Variants in PACS1 observed in about 807,000 individuals in gnomAD.
The protein encoded by PACS1 is PACS-1.
PACS1 carries 24 observed loss-of-function variants against 115.0 expected under a neutral mutation model. The ratio of observed to expected loss-of-function variants is 0.21; its 90% CI spans 0.15 to 0.29. The LOEUF is 0.29. Among genes scored for constraint, PACS1 ranks in the 10% least tolerant of loss-of-function variants. The pLI is 1.00. For synonymous variants in PACS1, 453 were observed against 504.5 expected (o/e 0.90, Z 1.37); for missense variants, 838 against 1,251.2 (o/e 0.67, Z 4.98).
chr11:66,214,528 CTTCCT>C (rs967623131), intron 4 of PACS1, among the ~76,000 whole-genome samples: 1 of 150,416 alleles, frequency 6.6e-6, no homozygotes, highest in Admixed American at 6.7e-5. Context: ...CTTTCCTTTC[CTTCCT>C]TTCCTTTCCC....
At position 66,193,426 on chromosome 11, in the gene PACS1, TC is replaced by T. The variant is rs1283995040; in HGVS notation, c.357-59del. ...TAAGGCAGATTGCCTAACCAATTGT[TC>T]ATCACTTTTCTCGCAAGTTCCTCGC... On this transcript the variant is annotated intron_variant, in intron 1 of 23. Coordinates refer to ENST00000320580, the MANE Select transcript of PACS1 (RefSeq NM_018026.4). 5 of 1,165,464 alleles carry T rather than the reference TC, an allele frequency of 4.3e-6. No individual in the cohort carries two copies. In the Admixed American group the frequency reaches 8.6e-5, roughly 20 times the overall value. The allele number at this position is 1,165,464 out of a possible 1,614,324, so 72.2% of individuals were successfully genotyped here.
intron 1 of PACS1, among the ~76,000 whole-genome samples, chr11:66,187,532 T>C (rs989211911): frequency 6.6e-6 from 1 of 152,206 alleles, no homozygotes; most frequent in African/African-American, 2.4e-5. Context: ...CTTTTTTAGC[T>C]TCCATGTGTG....
At chr11:66,141,891 T>C (rs1361272251) in intron 1 of PACS1, among the ~76,000 whole-genome samples, 1 of 151,410 alleles carries the variant, frequency 6.6e-6, no homozygotes. Context: ...CGGCAGCCTC[T>C]GTCTCCCGGG....
At chr11:66,177,586 C>T (rs1454875405) in intron 1 of PACS1, among the ~76,000 whole-genome samples, 1 of 152,006 alleles carries the variant, frequency 6.6e-6, no homozygotes, top group African/African-American at 2.4e-5. Context: ...ATTAAAAGTC[C>T]ACCTTCTCTT....
chr11:66,129,738 A>AAGTTAACTTTATCGTTC (rs1231445647), intron 1 of PACS1, among the ~76,000 whole-genome samples: 1 of 151,912 alleles, frequency 6.6e-6, no homozygotes, highest in Non-Finnish European at 1.5e-5. Context: ...CCTTCACCTC[A>AAGTTAACTTTATCGTTC]AGTTAACTTT....
chr11:66,216,865 C>CTTTTTTTT (rs1565151136), intron 7 of PACS1, 90 bp downstream of exon 7: 2 of 818,130 alleles, frequency 2.4e-6, no homozygotes, highest in Non-Finnish European at 2.1e-6. Context: ...GTGGAGACTT[C>CTTTTTTTT]TTAAAATCAA....
chr11:66,096,502 A>ATTTT (rs200631152), intron 1 of PACS1, among the ~76,000 whole-genome samples: 1 of 136,896 alleles, frequency 7.3e-6, no homozygotes, highest in African/African-American at 2.7e-5. Flanking sequence ...GTTGCTATGA[A>ATTTT]TTTTTTTTTT....
At chr11:66,230,996 G>T (rs749615520) in intron 13 of PACS1, 56 bp downstream of exon 13, 105 of 1,604,198 alleles carry the variant, frequency 6.5e-5, no homozygotes, top group Non-Finnish European at 8.7e-5. Flanking sequence ...TGAACTTCAG[G>T]CTCTGTTTTG....
intron 1 of PACS1, among the ~76,000 whole-genome samples, chr11:66,076,998 A>G (rs1002072107): frequency 1.3e-5 from 2 of 152,154 alleles, no homozygotes; most frequent in East Asian, 3.9e-4. Flanking sequence ...TTCTTTGTGG[A>G]CCTAGATAGA....
At chr11:66,206,062 C>T (rs1170033157) in intron 2 of PACS1, among the ~76,000 whole-genome samples, 3 of 152,106 alleles carry the variant, frequency 2.0e-5, no homozygotes, top group East Asian at 3.9e-4. Context: ...GCAGGAGAAT[C>T]GCTTGAGCCT....
chr11:66,093,766 C>T (rs2134516463), intron 1 of PACS1, among the ~76,000 whole-genome samples: 1 of 151,558 alleles, frequency 6.6e-6, no homozygotes, highest in Non-Finnish European at 1.5e-5. Flanking sequence ...CCACACCACA[C>T]CTATTCCAAA....
At chr11:66,089,161 C>G (rs757579419) in intron 1 of PACS1, among the ~76,000 whole-genome samples, 2 of 152,090 alleles carry the variant, frequency 1.3e-5, no homozygotes, top group Non-Finnish European at 2.9e-5. Context: ...CTCGAAGGTT[C>G]CCACAACTGT....
chr11:66,196,818 G>A (rs1400635710), intron 2 of PACS1, among the ~76,000 whole-genome samples: 3 of 151,996 alleles, frequency 2.0e-5, no homozygotes, highest in Non-Finnish European at 4.4e-5. Context: ...GGTTGGTCTC[G>A]AACCCCTGAC....
At chr11:66,137,338 A>G (rs1244195431) in intron 1 of PACS1, among the ~76,000 whole-genome samples, 1 of 152,146 alleles carries the variant, frequency 6.6e-6, no homozygotes, top group Non-Finnish European at 1.5e-5. Flanking sequence ...GTAGGGGTTC[A>G]AATTAATTTT....
At chr11:66,121,118 C>T (rs573737116) in intron 1 of PACS1, 3 of 453,228 alleles carry the variant, frequency 6.6e-6, no homozygotes, top group South Asian at 3.1e-5. Context: ...CTTTGTATCT[C>T]TGTGTCACAT....
intron 1 of PACS1, among the ~76,000 whole-genome samples, chr11:66,172,807 C>T (rs892360275): frequency 1.1e-4 from 16 of 152,024 alleles, no homozygotes; most frequent in Non-Finnish European, 2.9e-5. Context: ...GAAACCCCGT[C>T]TCTACTAAAC....
At chr11:66,075,190 G>A (rs890374125) in intron 1 of PACS1, among the ~76,000 whole-genome samples, 8 of 151,994 alleles carry the variant, frequency 5.3e-5, no homozygotes, top group African/African-American at 1.2e-4. Flanking sequence ...TGATCTGCCC[G>A]CCTTGGCCTT....
intron 1 of PACS1, among the ~76,000 whole-genome samples, chr11:66,121,316 T>A (rs1858436630): frequency 6.6e-6 from 1 of 152,206 alleles, no homozygotes. Flanking sequence ...CCCCCATCTC[T>A]CTTCCTCTCC....
intron 17 of PACS1, among the ~76,000 whole-genome samples, chr11:66,234,647 C>T (rs569305306): frequency 2.0e-5 from 3 of 152,126 alleles, no homozygotes; most frequent in Non-Finnish European, 4.4e-5. Context: ...AGGTCAAGGG[C>T]ACGGTGGATC....
Sources: gnomAD v4.1 joint callset for allele counts (sites outside exome capture counted in the v4.1 genomes callset) on GRCh38, gnomAD v4.1.1 for gene constraint, MANE v1.5 for transcripts, NCBI Gene and HGNC (gene_info 2026-07-23, HGNC 2026-07-21) for gene names.